CACUL1: variants seen among roughly 807,000 people sequenced by gnomAD.
CACUL1 encodes CDK2-associated and cullin domain-containing protein 1.
Under a neutral mutation model 45.2 loss-of-function variants are expected in CACUL1, and 13 were observed. The observed-to-expected ratio is 0.29, with a 90% CI of 0.19 to 0.46. The LOEUF (loss-of-function observed/expected upper bound fraction) is 0.46, where lower values mean the gene tolerates loss of function less well. Ranked by LOEUF, CACUL1 falls within the 20% of genes least tolerant of loss-of-function variation. CACUL1 has a pLI of 1.00. For synonymous variants in CACUL1, 197 were observed against 174.2 expected, an observed-to-expected ratio of 1.13 and a Z score of -1.03; for missense variants, 421 against 471.4, an observed-to-expected ratio of 0.89 and a Z score of 0.99.
intron 1 of CACUL1, among the ~76,000 whole-genome samples, chr10:118,750,951 C>G (rs1265666528): frequency 6.6e-6 from 1 of 152,194 alleles, no homozygotes; most frequent in African/African-American, 2.4e-5. Flanking sequence ...GTACCATCAC[C>G]TCAAGCATTT....
intron 1 of CACUL1, among the ~76,000 whole-genome samples, chr10:118,743,294 C>CA (rs1845809244): frequency 6.6e-6 from 1 of 151,384 alleles, no homozygotes; most frequent in African/African-American, 2.4e-5. Flanking sequence ...GGGGTTCTGA[C>CA]AAAAAATAAT....
At position 118,679,277 on chromosome 10, in the gene CACUL1, A is replaced by G. The variant is rs1334439026; in HGVS notation, c.*6851T>C. 1 of 152,136 alleles carries G rather than the reference A, an allele frequency of 6.6e-6. No individual in the cohort carries two copies. Among genetic ancestry groups the G allele is most frequent in the East Asian group, 1.9e-4 (1 of 5,194 alleles). The allele number at this position is 152,136 out of a possible 1,614,324, so 9.4% of individuals were successfully genotyped here. A position where few individuals can be genotyped will look rare whatever the true frequency, so the allele number is the denominator to read the frequency against. ...GAGTCCAGTGGTGTGACCTTAGCCC[A>G]CTGTAACCTCCACTTCCTGGGTTCA... is the stretch of plus-strand genomic sequence containing the variant. On this transcript the variant is annotated 3_prime_UTR_variant, in exon 9 of 9. Coordinates refer to ENST00000369151, the MANE Select transcript of CACUL1 (RefSeq NM_153810.5).
intron 3 of CACUL1, among the ~76,000 whole-genome samples, chr10:118,708,419 C>T (rs1332488896): frequency 6.6e-6 from 1 of 152,102 alleles, no homozygotes; most frequent in Admixed American, 6.6e-5. Context: ...AAAGCATGGA[C>T]ACAAATGACC....
At chr10:118,687,340 T>C (rs1223727583) in intron 7 of CACUL1, among the ~76,000 whole-genome samples, 5 of 152,202 alleles carry the variant, frequency 3.3e-5, no homozygotes, top group African/African-American at 1.2e-4. Context: ...ATGATTTATA[T>C]ACACTGGCAA....
intron 1 of CACUL1, among the ~76,000 whole-genome samples, chr10:118,746,176 A>G (rs1589620651): frequency 2.0e-5 from 3 of 151,252 alleles, no homozygotes; most frequent in South Asian, 2.1e-4. Context: ...AGGAGTCTTT[A>G]GGGTAAGGAA....
At chr10:118,693,978 A>AG (rs1845296642) in intron 6 of CACUL1, among the ~76,000 whole-genome samples, 1 of 152,000 alleles carries the variant, frequency 6.6e-6, no homozygotes, top group African/African-American at 2.4e-5. Context: ...GCAGTGGTAC[A>AG]ATCAGCTCAG....
chr10:118,713,202 T>C (rs1374058685), intron 3 of CACUL1, among the ~76,000 whole-genome samples: 1 of 152,264 alleles, frequency 6.6e-6, no homozygotes, highest in African/African-American at 2.4e-5. Context: ...CGACAGCACC[T>C]GGGCTCGCCC....
In CACUL1 at chr10:118,685,230, G is replaced by A. The variant is rs970887919; in HGVS notation, c.*898C>T. 6.3e-5 allele frequency: 8 copies of A among 127,382 alleles called. No homozygotes were observed. Among genetic ancestry groups the A allele is most frequent in the African/African-American group, 1.7e-4 (6 of 35,346 alleles). The allele number at this position is 127,382 out of a possible 1,614,324, so 7.9% of individuals were successfully genotyped here. A position where few individuals can be genotyped will look rare whatever the true frequency, so the allele number is the denominator to read the frequency against. ...AGGGAAGCTTCCGTGCTAAAGTACC[G>A]CCCATCCCTAAACTAGAGTACTGCC... is the stretch of plus-strand genomic sequence containing the variant. On this transcript the variant is annotated 3_prime_UTR_variant, in exon 9 of 9. Transcript: ENST00000369151.
chr10:118,736,377 T>A (rs1845741150), intron 1 of CACUL1, among the ~76,000 whole-genome samples: 1 of 152,064 alleles, frequency 6.6e-6, no homozygotes, highest in African/African-American at 2.4e-5. Context: ...TAAGGTTGAT[T>A]TATTATTTAT....
intron 7 of CACUL1, among the ~76,000 whole-genome samples, chr10:118,687,218 A>C (rs1845216126): frequency 1.3e-5 from 2 of 151,750 alleles, no homozygotes; most frequent in African/African-American, 4.8e-5. Context: ...CAGGATGGTG[A>C]TCATACACTC....
intron 7 of CACUL1, among the ~76,000 whole-genome samples, chr10:118,689,405 A>G (rs1845240125): frequency 6.6e-6 from 1 of 152,270 alleles, no homozygotes; most frequent in African/African-American, 2.4e-5. Context: ...CATGTATAAT[A>G]AAGTTTAATT....
intron 6 of CACUL1, chr10:118,693,415 T>G (rs1022364424): frequency 5.6e-6 from 1 of 179,698 alleles, no homozygotes; most frequent in Non-Finnish European, 1.2e-5. Context: ...AGCAAAAGGT[T>G]AGTATGTGAT....
chr10:118,702,282 AG>A (rs1338576201), intron 4 of CACUL1, among the ~76,000 whole-genome samples: 1 of 152,158 alleles, frequency 6.6e-6, no homozygotes, highest in Admixed American at 6.5e-5. Context: ...ACCTGCACCC[AG>A]GTGATTAAAA....
intron 3 of CACUL1, among the ~76,000 whole-genome samples, chr10:118,713,173 T>A (rs1198067765): frequency 6.6e-6 from 1 of 152,260 alleles, no homozygotes; most frequent in Non-Finnish European, 1.5e-5. Context: ...CCTCAGCGTG[T>A]GCACAGCTGG....
intron 5 of CACUL1, among the ~76,000 whole-genome samples, chr10:118,700,330 C>G (rs1474619553): frequency 6.6e-6 from 1 of 152,012 alleles, no homozygotes; most frequent in African/African-American, 2.4e-5. Context: ...CATTAGGTTA[C>G]AGGGACTTCC....
intron 3 of CACUL1, among the ~76,000 whole-genome samples, chr10:118,724,401 G>C (rs1044890718): frequency 6.6e-6 from 1 of 152,036 alleles, no homozygotes; most frequent in Non-Finnish European, 1.5e-5. Flanking sequence ...CTCAGCAGGG[G>C]GGGTGGTCCA....
At chr10:118,748,990 T>G (rs977392735) in intron 1 of CACUL1, among the ~76,000 whole-genome samples, 1 of 152,116 alleles carries the variant, frequency 6.6e-6, no homozygotes, top group Non-Finnish European at 1.5e-5. Flanking sequence ...GAACAGAAAT[T>G]ACTTAGTACG....
Position 118,754,567 on chromosome 10 carries a change from C to G in CACUL1, c.196G>C (p.Asp66His). The G allele has an allele frequency of 6.2e-7, 1 of 1,610,966 alleles. No homozygotes were observed. The highest frequency in any genetic ancestry group is 8.5e-7 in the Non-Finnish European group (1 of 1,178,850). ...QLLAVPAVSV[D>H]RKGPKEGLPM... ...AGCCCCTCCTTGGGGCCTTTCCTGT[C>G]CACGGAGACCGCGGGCACCGCCAGC... The change falls in exon 1 of 9, where the codon GAC becomes CAC. Residue 66 changes from aspartate to histidine, a missense_variant. Around this residue, in one of 2 missense-constraint regions of CACUL1, gnomAD observed 213 missense variants for 173.1 expected, o/e 1.23. Transcript: ENST00000369151.
intron 3 of CACUL1, among the ~76,000 whole-genome samples, chr10:118,718,981 C>T (rs1845574052): frequency 6.6e-6 from 1 of 152,194 alleles, no homozygotes; most frequent in African/African-American, 2.4e-5. Context: ...AACAAAAACA[C>T]AGCCCACTGT....
Sources: gnomAD v4.1 joint callset for allele counts (sites outside exome capture counted in the v4.1 genomes callset) on GRCh38, gnomAD v4.1.1 for gene constraint, gnomAD v4.1.1 regional missense constraint, MANE v1.5 for transcripts, NCBI Gene and HGNC (gene_info 2026-07-23, HGNC 2026-07-21) for gene names.